The following C10orf90 variants were observed in gnomAD, a reference collection of about 807,000 sequenced individuals.
The protein encoded by C10orf90 is chromosome 10 open reading frame 90, also known as (E2-independent) E3 ubiquitin-conjugating enzyme FATS.
A neutral mutation model predicts 62.5 loss-of-function variants in C10orf90; 56 were observed. The observed-to-expected ratio is 0.90, with a 90% CI of 0.72 to 1.12. The LOEUF (loss-of-function observed/expected upper bound fraction) is 1.12. C10orf90 is among the 50% of genes most tolerant of loss of function. C10orf90 has a pLI of 0.00. For synonymous variants in C10orf90, 386 were observed against 340.4 expected (o/e 1.13, Z -1.47); for missense variants, 970 against 880.4 (o/e 1.10, Z -1.29).
intron 2 of C10orf90, among the ~76,000 whole-genome samples, chr10:126,644,653 G>A (rs1170945973): frequency 6.6e-6 from 1 of 152,182 alleles, no homozygotes; most frequent in Non-Finnish European, 1.5e-5. Context: ...GGCCAACATG[G>A]GCTTGATTCC....
chr10:126,458,077 A>T (rs940964305), intron 7 of C10orf90, among the ~76,000 whole-genome samples: 9 of 152,034 alleles, frequency 5.9e-5, no homozygotes, highest in Non-Finnish European at 1.3e-4. Flanking sequence ...TCTGGTGGAG[A>T]GAAGGAGACT....
At chr10:126,494,926 G>A (rs1004251515) in intron 4 of C10orf90, among the ~76,000 whole-genome samples, 2 of 152,182 alleles carry the variant, frequency 1.3e-5, no homozygotes, top group South Asian at 2.1e-4. Context: ...GGACCTTAAC[G>A]CTGAAGAATC....
chr10:126,499,102 A>T (rs1862240785), intron 4 of C10orf90, among the ~76,000 whole-genome samples: 1 of 152,206 alleles, frequency 6.6e-6, no homozygotes, highest in African/African-American at 2.4e-5. Flanking sequence ...GTTAGTGTAA[A>T]TAAAGTTTTA....
chr10:126,467,462 G>T (rs1300551220), intron 4 of C10orf90, among the ~76,000 whole-genome samples: 1 of 152,160 alleles, frequency 6.6e-6, no homozygotes, highest in East Asian at 1.9e-4. Context: ...AGAGTTCTCA[G>T]TTCATGCCCA....
chr10:126,533,215 G>A (rs1864151332), intron 2 of C10orf90, among the ~76,000 whole-genome samples: 1 of 152,118 alleles, frequency 6.6e-6, no homozygotes, highest in East Asian at 1.9e-4. Flanking sequence ...ATTACAGGCG[G>A]GAGCCACAGC....
intron 8 of C10orf90, among the ~76,000 whole-genome samples, chr10:126,426,315 G>A (rs749432761): frequency 2.0e-5 from 3 of 152,202 alleles, no homozygotes; most frequent in Non-Finnish European, 2.9e-5. Context: ...GTGGGGCAAT[G>A]CAACAGGCAG....
At chr10:126,546,780 T>C (rs1157931862) in intron 2 of C10orf90, among the ~76,000 whole-genome samples, 1 of 152,158 alleles carries the variant, frequency 6.6e-6, no homozygotes, top group Admixed American at 6.5e-5. Context: ...AATAGAAGAT[T>C]TAATAAGATC....
At chr10:126,557,479 CA>C (rs11413093) in intron 2 of C10orf90, among the ~76,000 whole-genome samples, 36 of 131,548 alleles carry the variant, frequency 2.7e-4, no homozygotes, top group African/African-American at 4.0e-4. Flanking sequence ...GACTCCATCT[CA>C]AAAAAAAAAA....
intron 2 of C10orf90, among the ~76,000 whole-genome samples, chr10:126,604,515 T>C (rs1449887774): frequency 6.6e-6 from 1 of 152,238 alleles, no homozygotes; most frequent in Non-Finnish European, 1.5e-5. Flanking sequence ...TCAGCTCTGC[T>C]ATTCAAGGCA....
chr10:126,487,120 G>A (rs1425677295), intron 4 of C10orf90, among the ~76,000 whole-genome samples: 6 of 120,788 alleles, frequency 5.0e-5, no homozygotes, highest in Non-Finnish European at 9.9e-5. Flanking sequence ...CTCCAGCCTG[G>A]GCAACAACAG....
At chr10:126,538,427 A>G (rs1030439361) in intron 2 of C10orf90, among the ~76,000 whole-genome samples, 1 of 152,322 alleles carries the variant, frequency 6.6e-6, no homozygotes. Context: ...GACATGGAAC[A>G]GATTCTTCTG....
At chr10:126,547,275 C>A (rs112518987) in intron 2 of C10orf90, among the ~76,000 whole-genome samples, 4 of 151,794 alleles carry the variant, frequency 2.6e-5, no homozygotes, top group Admixed American at 6.6e-5. Context: ...AAAAATTAGC[C>A]GGGCGTGGTG....
intron 7 of C10orf90, among the ~76,000 whole-genome samples, chr10:126,449,018 A>C (rs763793782): frequency 8.5e-5 from 13 of 152,224 alleles, no homozygotes; most frequent in Non-Finnish European, 1.9e-4. Context: ...AGGAGGGAAT[A>C]CTTCCAAATT....
intron 2 of C10orf90, among the ~76,000 whole-genome samples, chr10:126,622,922 T>C (rs1404649567): frequency 6.6e-6 from 1 of 152,234 alleles, no homozygotes; most frequent in East Asian, 1.9e-4. Context: ...CGCAGACTCC[T>C]CATTGTTACA....
chr10:126,482,114 T>C (rs1271270783), intron 4 of C10orf90, among the ~76,000 whole-genome samples: 1 of 152,252 alleles, frequency 6.6e-6, no homozygotes, highest in Admixed American at 6.5e-5. Context: ...TAAAATCAGA[T>C]GGCTTCCATG....
chr10:126,628,794 G>T (rs1190567210), intron 2 of C10orf90, among the ~76,000 whole-genome samples: 3 of 152,144 alleles, frequency 2.0e-5, no homozygotes, highest in Non-Finnish European at 4.4e-5. Flanking sequence ...CAGAAACCAG[G>T]CTTGCCTGCC....
At chr10:126,611,121 G>A (rs1333658486) in intron 2 of C10orf90, among the ~76,000 whole-genome samples, 1 of 151,988 alleles carries the variant, frequency 6.6e-6, no homozygotes, top group Admixed American at 6.6e-5. Context: ...AAGAAATCCT[G>A]TACCCAATGG....
chr10:126,639,561 G>A (rs761235296), intron 2 of C10orf90, among the ~76,000 whole-genome samples: 1 of 152,124 alleles, frequency 6.6e-6, no homozygotes, highest in Non-Finnish European at 1.5e-5. Flanking sequence ...TTCTGAGAAT[G>A]AGACACGGGG....
intron 2 of C10orf90, among the ~76,000 whole-genome samples, chr10:126,616,327 G>T (rs998181363): frequency 5.3e-5 from 8 of 152,208 alleles, no homozygotes; most frequent in Non-Finnish European, 1.5e-5. Flanking sequence ...ATGTCTAGCT[G>T]TCCTAGGAGA....
Sources: allele counts gnomAD v4.1 joint callset (sites outside exome capture counted in the v4.1 genomes callset), GRCh38; gene constraint gnomAD v4.1.1; transcripts MANE v1.5; gene names NCBI Gene and HGNC (gene_info 2026-07-23, HGNC 2026-07-21).